CPA3: variants seen among roughly 807,000 people sequenced by gnomAD.
CPA3 encodes the protein carboxypeptidase A3.
A neutral mutation model predicts 55.8 loss-of-function variants in CPA3; 52 were observed. The ratio of observed to expected loss-of-function variants is 0.93; its 90% confidence interval spans 0.75 to 1.17. CPA3 has a LOEUF of 1.17. Ranked by LOEUF, CPA3 falls within the 50% of genes most tolerant of loss-of-function variation. CPA3 has a pLI of 0.00. For missense variants in CPA3, 547 were observed against 509.1 expected (o/e 1.07, Z -0.72); for synonymous variants, 179 against 171.2 (o/e 1.05, Z -0.36).
Position 148,878,663 on chromosome 3 carries a change from A to G in CPA3, c.389A>G (p.Glu130Gly). ...GCTCTTAAGATTGTGGCTTGGACTG[A>G]AAAGATGATGGATAAGTATCCTGAA... ...NNWEKIVAWT[E>G]KMMDKYPEMV... The change falls in exon 5 of 11, where the codon GAA becomes GGA. Residue 130 changes from glutamate (E) to glycine (G), a missense_variant. Physicochemically the swap from Glu to Gly is moderately conservative, Grantham distance 98. Coordinates refer to ENST00000296046, the MANE Select transcript of CPA3 (RefSeq NM_001870.4). 1 of 1,610,534 alleles carries G rather than the reference A, an allele frequency of 6.2e-7. No individual in the cohort carries two copies. Among genetic ancestry groups the G allele is most frequent in the Non-Finnish European group, 8.5e-7 (1 of 1,178,132 alleles).
chr3:148,896,017 G>A (rs1214870937), intron 10 of CPA3, among the ~76,000 whole-genome samples: 2 of 152,146 alleles, frequency 1.3e-5, no homozygotes, highest in African/African-American at 2.4e-5. Flanking sequence ...TGAATTAGGA[G>A]ATTAAATATG....
Position 148,878,465 on chromosome 3 carries a change from A to G in CPA3, c.294A>G (p.Glu98=), listed in dbSNP as rs766145394. Residue 98 remains glutamate (E), a synonymous_variant, in exon 4 of 11, where the codon GAA becomes GAG. Coordinates refer to ENST00000296046, the MANE Select transcript of CPA3 (RefSeq NM_001870.4). ...HYEILIHDLQ[E]EIEKQFDVKE... ...GAATCTTGATTCATGATCTACAAGA[A>G]GAGATTGAGAAACAGTTTGATGTTA... 6.2e-7 allele frequency: 1 copy of G among 1,611,884 alleles called. No individual in the cohort carries two copies. Among genetic ancestry groups the G allele is most frequent in the Non-Finnish European group, 8.5e-7 (1 of 1,178,028 alleles).
At chr3:148,869,764 A>T (rs147143144) in intron 3 of CPA3, among the ~76,000 whole-genome samples, 12 of 152,340 alleles carry the variant, frequency 7.9e-5, no homozygotes, top group African/African-American at 2.9e-4. Flanking sequence ...AAGGAAGCCC[A>T]GCAATGAATA....
At chr3:148,868,802 A>T in intron 2 of CPA3, 113 bp from the exon 3 acceptor site, 1 of 1,166,852 alleles carries the variant, frequency 8.6e-7, no homozygotes, top group Non-Finnish European at 1.2e-6. Flanking sequence ...TCTGTATCTT[A>T]GTTATGCTGA....
At chr3:148,892,719 T>A (rs1714707196) in intron 10 of CPA3, among the ~76,000 whole-genome samples, 1 of 152,124 alleles carries the variant, frequency 6.6e-6, no homozygotes, top group African/African-American at 2.4e-5. Context: ...GGCACATGCC[T>A]GTAATCCCAG....
At chr3:148,870,746 C>A (rs1339631133) in intron 3 of CPA3, among the ~76,000 whole-genome samples, 1 of 152,078 alleles carries the variant, frequency 6.6e-6, no homozygotes, top group African/African-American at 2.4e-5. Flanking sequence ...TTTTATAAAT[C>A]ACATCATTAA....
At chr3:148,867,145 C>G (rs142610571) in intron 2 of CPA3, among the ~76,000 whole-genome samples, 13 of 152,328 alleles carry the variant, frequency 8.5e-5, no homozygotes, top group African/African-American at 3.1e-4. Flanking sequence ...GCTCCTCCAC[C>G]TTCTTCCACA....
rs1012138203 is a variant in CPA3 at position 148,869,109 on chromosome 3, T to A, written c.269+70T>A. The A allele has an allele frequency of 1.1e-5, 17 of 1,555,874 alleles. No individual in the cohort carries two copies. In the African/African-American group the frequency reaches 2.0e-4, roughly 19 times the overall value. On this transcript the variant is annotated intron_variant, in intron 3 of 10. Transcript: ENST00000296046. ...TTGGGAGCCTTGAAGTAGAGGAAAG[T>A]ATTACAATGGACCTATTTTTAATTG...
rs746262682 is a variant in CPA3 at position 148,878,531 on chromosome 3, T to C, written c.360T>C (p.Asn120=). ...GCAGGCACAGCTACGCAAAATACAATAATTGGGAAAAGGTACAGTAAAAAA... is the reference window on the plus strand; with the variant it reads ...GCAGGCACAGCTACGCAAAATACAACAATTGGGAAAAGGTACAGTAAAAAA... The part of the protein sequence containing the change: ...IPGRHSYAKY[N]NWEKIVAWTE... Residue 120 remains asparagine (N), a synonymous_variant, in exon 4 of 11, where the codon AAT becomes AAC. Transcript: ENST00000296046. The C allele has an allele frequency of 1.9e-6, 3 of 1,611,406 alleles. No homozygotes were observed. The highest frequency in any genetic ancestry group is 2.5e-6 in the Non-Finnish European group (3 of 1,178,052).
chr3:148,896,438 C>A, intron 10 of CPA3, 82 bp from the exon 11 acceptor site: 1 of 1,183,516 alleles, frequency 8.4e-7, no homozygotes, highest in Non-Finnish European at 1.2e-6. Context: ...TTTTTTATTG[C>A]TAATTATACA....
At chr3:148,881,432 G>A (rs1714363658) in intron 6 of CPA3, 90 bp from the exon 7 acceptor site, 1 of 685,350 alleles carries the variant, frequency 1.5e-6, no homozygotes, top group Non-Finnish European at 2.5e-6. Flanking sequence ...ACCTTGGGAA[G>A]TGACTCAAGT....
At position 148,896,583 on chromosome 3, in the gene CPA3, T is replaced by C. The variant is rs373298908; in HGVS notation, c.1130T>C (p.Phe377Ser). Reference sequence around the variant, plus strand: ...CTGGGCATCAAACACACATTTGCCTTTGAGCTCCGAGATAAAGGCAAATTT... The same window carrying C: ...CTGGGCATCAAACACACATTTGCCTCTGAGCTCCGAGATAAAGGCAAATTT... The part of the protein sequence containing the change: ...YDLGIKHTFA[F>S]ELRDKGKFGF... Residue 377 changes from phenylalanine (F) to serine (S), a missense_variant, in exon 11 of 11, where the codon TTT becomes TCT. Phe to Ser is a radical substitution (Grantham distance 155, BLOSUM62 -2). Transcript: ENST00000296046. 5.0e-6 allele frequency: 8 copies of C among 1,584,776 alleles called. No homozygotes were observed. The African/African-American group carries it at 1.1e-4, about 21-fold the overall frequency.
At chr3:148,894,575 C>T (rs1460558484) in intron 10 of CPA3, among the ~76,000 whole-genome samples, 3 of 151,498 alleles carry the variant, frequency 2.0e-5, no homozygotes, top group East Asian at 1.9e-4. Context: ...TATAATTCAA[C>T]AATATGCTGT....
intron 5 of CPA3, among the ~76,000 whole-genome samples, chr3:148,879,524 C>A (rs531910859): frequency 4.6e-4 from 70 of 152,258 alleles, no homozygotes; most frequent in African/African-American, 1.5e-3. Flanking sequence ...CAATGGACTA[C>A]AAATTTTTTT....
intron 10 of CPA3, among the ~76,000 whole-genome samples, chr3:148,889,596 G>A (rs1337306063): frequency 6.6e-6 from 1 of 152,152 alleles, no homozygotes; most frequent in African/African-American, 2.4e-5. Context: ...AGCTGGCCAG[G>A]CCTGGTGGCT....
intron 3 of CPA3, among the ~76,000 whole-genome samples, chr3:148,876,334 C>G (rs893507193): frequency 1.3e-5 from 2 of 151,516 alleles, no homozygotes; most frequent in African/African-American, 2.4e-5. Flanking sequence ...ATCAAAAAAT[C>G]CCATTTTTTC....
Position 148,878,853 on chromosome 3 carries a change from T to A in CPA3, c.474+105T>A, listed in dbSNP as rs1373447688. On this transcript the variant is annotated intron_variant, in intron 5 of 10. Coordinates refer to ENST00000296046, the MANE Select transcript of CPA3 (RefSeq NM_001870.4). ...GCTAATTCTGAGCTAATACATATTA[T>A]CTCTGAAAGAATATTTAAGCTCTAG... 7 of 665,882 alleles carry A rather than the reference T, an allele frequency of 1.1e-5. No individual in the cohort carries two copies. In the African/African-American group the frequency reaches 1.3e-4, roughly 12 times the overall value. 41.2% of individuals were successfully genotyped at this position (665,882 alleles called of 1,614,324 possible).
chr3:148,892,392 C>T (rs1714695574), intron 10 of CPA3, among the ~76,000 whole-genome samples: 1 of 152,134 alleles, frequency 6.6e-6, no homozygotes, highest in Non-Finnish European at 1.5e-5. Flanking sequence ...GTGGCTCATG[C>T]CTGTAATCTT....
At chr3:148,878,861 A>C in intron 5 of CPA3, 113 bp downstream of exon 5, 1 of 642,436 alleles carries the variant, frequency 1.6e-6, no homozygotes, top group Non-Finnish European at 2.7e-6. Flanking sequence ...TATCTCTGAA[A>C]GAATATTTAA....
Sources: allele counts gnomAD v4.1 joint callset (sites outside exome capture counted in the v4.1 genomes callset), GRCh38; gene constraint gnomAD v4.1.1; transcripts MANE v1.5; gene names NCBI Gene and HGNC (gene_info 2026-07-23, HGNC 2026-07-21).